SIPA1L3: variants seen among roughly 807,000 people sequenced by gnomAD.
SIPA1L3 encodes the protein signal-induced proliferation-associated 1-like protein 3.
A neutral mutation model predicts 150.1 loss-of-function variants in SIPA1L3; 59 were observed. That is an observed-to-expected ratio of 0.39 (90% CI 0.32 to 0.49). SIPA1L3 has a LOEUF of 0.49. Among genes scored for constraint, SIPA1L3 ranks in the 20% least tolerant of loss-of-function variants. The probability of loss-of-function intolerance (pLI) is 0.86; values close to 1 mark genes in which losing one functional copy is unlikely to be tolerated. For synonymous variants in SIPA1L3, 1,070 were observed against 1,077.6 expected (o/e 0.99, Z 0.14); for missense variants, 2,211 against 2,489.5 (o/e 0.89, Z 2.38).
At chr19:38,104,814 AC>A (rs143881930) in intron 6 of SIPA1L3, among the ~76,000 whole-genome samples, 19,554 of 151,442 alleles carry the variant, frequency 0.13, 1,628 homozygotes, top group Non-Finnish European at 0.16. Flanking sequence ...CAGGTGATCC[AC>A]CCACCTCGGC....
chr19:38,017,994 C>T (rs1427252584), intron 1 of SIPA1L3, among the ~76,000 whole-genome samples: 2 of 152,076 alleles, frequency 1.3e-5, no homozygotes, highest in Non-Finnish European at 2.9e-5. Flanking sequence ...TCTTGAGGCA[C>T]ACCCTCCCTT....
intron 8 of SIPA1L3, among the ~76,000 whole-genome samples, chr19:38,111,193 T>TA (rs202164601): frequency 2.6e-5 from 4 of 151,284 alleles, no homozygotes; most frequent in Non-Finnish European, 5.9e-5. Context: ...CCTGGCTAAT[T>TA]AAAAAAAAAT....
At chr19:38,153,541 G>A (rs967824916) in intron 13 of SIPA1L3, among the ~76,000 whole-genome samples, 1 of 151,546 alleles carries the variant, frequency 6.6e-6, no homozygotes, top group South Asian at 2.1e-4. Flanking sequence ...ATGGTGGCAT[G>A]TACCTGTAAT....
intron 1 of SIPA1L3, among the ~76,000 whole-genome samples, chr19:37,965,462 C>G (rs979280452): frequency 6.6e-6 from 1 of 151,728 alleles, no homozygotes; most frequent in East Asian, 1.9e-4. Flanking sequence ...ATTACAGGCG[C>G]GTGCCACCAT....
intron 1 of SIPA1L3, among the ~76,000 whole-genome samples, chr19:38,020,199 C>T (rs1968341626): frequency 6.6e-6 from 1 of 152,148 alleles, no homozygotes; most frequent in African/African-American, 2.4e-5. Context: ...AATTTTTTTA[C>T]TTAATCCTCA....
chr19:38,049,643 G>C (rs1004247651), intron 2 of SIPA1L3, among the ~76,000 whole-genome samples: 7 of 152,150 alleles, frequency 4.6e-5, no homozygotes, highest in Non-Finnish European at 1.5e-5. Flanking sequence ...TCTCTCCCCA[G>C]GGGTGGGATT....
chr19:38,202,632 C>T (rs1973113516), intron 20 of SIPA1L3, among the ~76,000 whole-genome samples: 2 of 152,142 alleles, frequency 1.3e-5, no homozygotes, highest in Non-Finnish European at 2.9e-5. Context: ...CAGTGTCTCC[C>T]AATCCCCCAG....
intron 4 of SIPA1L3, among the ~76,000 whole-genome samples, chr19:38,093,606 G>C (rs1175517103): frequency 6.6e-6 from 1 of 152,186 alleles, no homozygotes; most frequent in Non-Finnish European, 1.5e-5. Context: ...TCACGGATGG[G>C]GTTCTGTCCT....
chr19:38,197,984 G>T (rs1449808821), intron 18 of SIPA1L3, among the ~76,000 whole-genome samples: 2 of 151,914 alleles, frequency 1.3e-5, no homozygotes, highest in Admixed American at 6.6e-5. Flanking sequence ...ACACGGTCCG[G>T]CCGTGTTGCC....
chr19:37,918,656 G>A (rs941963830), intron 1 of SIPA1L3, among the ~76,000 whole-genome samples: 6 of 151,786 alleles, frequency 4.0e-5, no homozygotes, highest in African/African-American at 1.5e-4. Flanking sequence ...GATCACCTGA[G>A]GTCAGGAGTT....
chr19:38,119,803 A>G lies in SIPA1L3; in HGVS notation c.2789A>G (p.Tyr930Cys), dbSNP rs150292475. ...TPDSSTLKIF[Y>C]GRGDHIFLQA... ...GACTCCTCCACACTCAAAATCTTCT[A>G]TGGACGAGGAGACCACATCTTCCTA... Residue 930 changes from tyrosine (Y) to cysteine (C), a missense_variant, in exon 9 of 22, where the codon TAT (tyrosine) becomes TGT (cysteine). Coordinates refer to ENST00000222345, the MANE Select transcript of SIPA1L3 (RefSeq NM_015073.3). 311 of 1,613,814 alleles carry G rather than the reference A, an allele frequency of 1.9e-4. No homozygotes were observed. The highest frequency in any genetic ancestry group is 8.3e-4 in the Middle Eastern group (5 of 6,060).
At chr19:38,180,537 C>CTTTTTTTTTTTTT (rs60445902) in intron 15 of SIPA1L3, among the ~76,000 whole-genome samples, 4 of 124,664 alleles carry the variant, frequency 3.2e-5, no homozygotes, top group African/African-American at 6.0e-5. Context: ...TTTTTCTTTT[C>CTTTTTTTTTTTTT]TTTTTTTTTT....
At chr19:38,143,306 C>T (rs924548916) in intron 12 of SIPA1L3, among the ~76,000 whole-genome samples, 17 of 152,148 alleles carry the variant, frequency 1.1e-4, no homozygotes, top group African/African-American at 4.1e-4. Flanking sequence ...GTCCCTGTCT[C>T]AGGGGCAGCC....
At chr19:38,007,750 T>TGTGTGTGTGC (rs1967989723) in intron 1 of SIPA1L3, among the ~76,000 whole-genome samples, 1 of 152,176 alleles carries the variant, frequency 6.6e-6, no homozygotes, top group South Asian at 2.1e-4. Context: ...AGTATCTTGG[T>TGTGTGTGTGC]GTGTGTGTGC....
At chr19:38,058,142 C>T (rs888110137) in intron 2 of SIPA1L3, among the ~76,000 whole-genome samples, 5 of 152,320 alleles carry the variant, frequency 3.3e-5, no homozygotes, top group Middle Eastern at 3.4e-3. Context: ...CCCTTCCAGC[C>T]TGCTGTGCTC....
rs139844747 is a variant in SIPA1L3, at chr19:38,130,746, G to T, written c.3117G>T (p.Pro1039=). 2.5e-6 allele frequency: 4 copies of T among 1,609,324 alleles called. No individual in the cohort carries two copies. The South Asian group carries it at 4.4e-5, about 18-fold the overall frequency. ...TCACTGTGAAGGTGGTCATCATCCC[G>T]CCTTTTGAGGACGGCACTCCCCGGA... is the stretch of plus-strand genomic sequence containing the variant. ...TSVTVKVVII[P]PFEDGTPRRG... Residue 1039 remains proline, a synonymous_variant, in exon 10 of 22, where the codon CCG becomes CCT. Transcript: ENST00000222345.
chr19:37,945,018 C>A (rs531032162), intron 1 of SIPA1L3, among the ~76,000 whole-genome samples: 1 of 152,246 alleles, frequency 6.6e-6, no homozygotes, highest in East Asian at 1.9e-4. Context: ...TTAGCCTAGC[C>A]TTCCTTAAAT....
intron 18 of SIPA1L3, among the ~76,000 whole-genome samples, chr19:38,196,334 G>A (rs141928970): frequency 2.5e-4 from 38 of 152,336 alleles, no homozygotes; most frequent in African/African-American, 8.7e-4. Flanking sequence ...GAGGCCCAGG[G>A]TGGAGCATGG....
intron 3 of SIPA1L3, among the ~76,000 whole-genome samples, chr19:38,084,626 T>C (rs1225968942): frequency 6.8e-5 from 10 of 146,812 alleles, no homozygotes; most frequent in African/African-American, 2.5e-4. Context: ...TTGTTGTTTT[T>C]TTCTTTTTCT....
Sources: allele counts gnomAD v4.1 joint callset (sites outside exome capture counted in the v4.1 genomes callset), GRCh38; gene constraint gnomAD v4.1.1; transcripts MANE v1.5; gene names NCBI Gene and HGNC (gene_info 2026-07-23, HGNC 2026-07-21).